The following ITGB5 variants were observed in gnomAD, a reference collection of about 807,000 sequenced individuals.
ITGB5 encodes the protein integrin subunit beta 5.
Under a neutral mutation model 84.8 loss-of-function variants are expected in ITGB5, and 38 were observed. The observed-to-expected ratio is 0.45, with a 90% CI of 0.35 to 0.59. The LOEUF (loss-of-function observed/expected upper bound fraction) is 0.59, where lower values mean the gene tolerates loss of function less well. Ranked by LOEUF, ITGB5 falls within the 20% of genes least tolerant of loss-of-function variation. The probability of loss-of-function intolerance (pLI) is 0.01; values close to 1 mark genes in which losing one functional copy is unlikely to be tolerated. For missense variants in ITGB5, 905 were observed against 1,034.5 expected (o/e 0.87, Z 1.72); for synonymous variants, 393 against 414.4 (o/e 0.95, Z 0.63).
intron 14 of ITGB5, 44 bp downstream of exon 14, chr3:124,764,347 C>T (rs763640835): frequency 1.3e-6 from 2 of 1,579,562 alleles, no homozygotes; most frequent in Non-Finnish European, 8.7e-7. Context: ...AACCACGCCT[C>T]TGAGCTTGAA....
chr3:124,830,489 T>C (rs2064844843), intron 5 of ITGB5, among the ~76,000 whole-genome samples: 1 of 152,214 alleles, frequency 6.6e-6, no homozygotes, highest in Admixed American at 6.5e-5. Flanking sequence ...TCCAAGGGGC[T>C]ACAACAGGAC....
chr3:124,893,834 A>G (rs1935046894), intron 1 of ITGB5, among the ~76,000 whole-genome samples: 1 of 152,152 alleles, frequency 6.6e-6, no homozygotes, highest in African/African-American at 2.4e-5. Flanking sequence ...CTCGACAGAA[A>G]TTTTCAACAT....
chr3:124,785,327 T>C (rs1373211189), intron 10 of ITGB5, among the ~76,000 whole-genome samples: 1 of 151,738 alleles, frequency 6.6e-6, no homozygotes, highest in Non-Finnish European at 1.5e-5. Context: ...CTCACGCCTA[T>C]AATCCCAGCA....
At chr3:124,771,397 A>AAAG (rs1395519657) in intron 11 of ITGB5, among the ~76,000 whole-genome samples, 3 of 152,208 alleles carry the variant, frequency 2.0e-5, no homozygotes, top group African/African-American at 7.2e-5. Flanking sequence ...AAAAGAAAAA[A>AAAG]AAGTTCCACC....
intron 1 of ITGB5, among the ~76,000 whole-genome samples, chr3:124,898,987 A>G (rs2107663053): frequency 6.6e-6 from 1 of 152,196 alleles, no homozygotes; most frequent in African/African-American, 2.4e-5. Flanking sequence ...AGGCAGGAGA[A>G]TCACTTGAAC....
intron 8 of ITGB5, among the ~76,000 whole-genome samples, chr3:124,816,542 G>A (rs556524247): frequency 2.1e-4 from 32 of 152,272 alleles, no homozygotes; most frequent in African/African-American, 7.5e-4. Flanking sequence ...ATTACCTGGC[G>A]CCTTGAGCAG....
intron 1 of ITGB5, among the ~76,000 whole-genome samples, chr3:124,879,725 G>A (rs555212400): frequency 3.9e-5 from 6 of 152,128 alleles, no homozygotes; most frequent in African/African-American, 9.7e-5. Flanking sequence ...CCAATACATC[G>A]CTAAGTTAAA....
Position 124,887,119 on chromosome 3 carries a change from C to T in ITGB5, c.-119G>A, listed in dbSNP as rs564502016. ...GGGCCGCAGCCGCATGCCCCGCGCG[C>T]AGCTCCGGCTCACGGCGCCCGCGCT... is the stretch of plus-strand genomic sequence containing the variant. On this transcript the variant is annotated 5_prime_UTR_variant, in exon 1 of 15. Coordinates refer to ENST00000296181, the MANE Select transcript of ITGB5 (RefSeq NM_002213.5). The T allele has an allele frequency of 1.2e-3, 258 of 210,218 alleles. 1 individual carries two copies. The highest frequency in any genetic ancestry group is 5.5e-3 in the African/African-American group (233 of 42,246). The allele number at this position is 210,218 out of a possible 1,614,324, so 13.0% of individuals were successfully genotyped here.
intron 1 of ITGB5, among the ~76,000 whole-genome samples, chr3:124,884,986 C>T (rs933572458): frequency 1.3e-5 from 2 of 151,192 alleles, no homozygotes; most frequent in African/African-American, 2.4e-5. Flanking sequence ...AGAAATTATT[C>T]GCAGCCAGGC....
In ITGB5 at chr3:124,762,068, A is replaced by C. The variant is rs2063705281; in HGVS notation, c.*1555T>G. 1 of 152,188 alleles carries C rather than the reference A, an allele frequency of 6.6e-6. No individual in the cohort carries two copies. Among genetic ancestry groups the C allele is most frequent in the Non-Finnish European group, 1.5e-5 (1 of 68,040 alleles). The allele number at this position is 152,188 out of a possible 1,614,324, so 9.4% of individuals were successfully genotyped here. A position where few individuals can be genotyped will look rare whatever the true frequency, so the allele number is the denominator to read the frequency against. On this transcript the variant is annotated 3_prime_UTR_variant, in exon 15 of 15. Transcript: ENST00000296181. ...CAAAAAGGGTTTAACAGTGTCACCA[A>C]GTTACCAGGTCTCTGTTTCATCATA... is the stretch of plus-strand genomic sequence containing the variant.
chr3:124,850,058 C>G lies in ITGB5; in HGVS notation c.362-1500G>C, dbSNP rs536602465. 9.2e-5 allele frequency among the ~76,000 whole-genome samples: 14 copies of G among 152,146 alleles called. No individual in the cohort carries two copies. In the South Asian group the frequency reaches 2.9e-3, roughly 32 times the overall value. On this transcript the variant is annotated intron_variant, in intron 3 of 14. Transcript: ENST00000296181. ...GCCCAGCGGGTCTACACCTGACTTG[C>G]CGGCAGCCACATCTCAGAGCAACCA...
At chr3:124,894,528 G>C (rs1935065019) in intron 1 of ITGB5, 1 of 152,064 alleles carries the variant, frequency 6.6e-6, no homozygotes, top group African/African-American at 2.4e-5. Flanking sequence ...ATTATCAGTA[G>C]AGCTTAGACA....
intron 13 of ITGB5, among the ~76,000 whole-genome samples, chr3:124,765,605 C>A (rs1012089945): frequency 3.9e-5 from 6 of 152,226 alleles, no homozygotes; most frequent in African/African-American, 1.4e-4. Context: ...CAAGATGAGA[C>A]CCTCCCCAGG....
chr3:124,856,442 A>T (rs1418427527), intron 3 of ITGB5, among the ~76,000 whole-genome samples: 1 of 152,210 alleles, frequency 6.6e-6, no homozygotes. Context: ...CTAGATGAGG[A>T]GTTCAGAAAA....
intron 2 of ITGB5, among the ~76,000 whole-genome samples, chr3:124,866,522 G>C (rs1260845515): frequency 1.3e-5 from 2 of 152,200 alleles, no homozygotes; most frequent in East Asian, 3.8e-4. Flanking sequence ...CAGAGTAGAA[G>C]AGTTGAGAAA....
intron 3 of ITGB5, among the ~76,000 whole-genome samples, chr3:124,854,793 T>C (rs139951707): frequency 5.7e-4 from 87 of 152,312 alleles, no homozygotes; most frequent in African/African-American, 1.9e-3. Context: ...AAATAAAAAA[T>C]GTCCTGCTTA....
At chr3:124,769,853 T>C (rs1191980562) in intron 11 of ITGB5, 3 of 152,252 alleles carry the variant, frequency 2.0e-5, no homozygotes, top group Admixed American at 6.5e-5. Flanking sequence ...ACCCTTGTTC[T>C]TTAACAGGGG....
At chr3:124,846,794 T>C (rs572050142) in intron 4 of ITGB5, among the ~76,000 whole-genome samples, 32 of 152,092 alleles carry the variant, frequency 2.1e-4, no homozygotes, top group African/African-American at 7.5e-4. Context: ...ATCAGCCAGG[T>C]GTGGTGGCAG....
rs184739108 is a variant in ITGB5 at position 124,777,668 on chromosome 3, T to C, written c.1694-3756A>G. ...CTGGGCTTGCCCTCAGAATCCTCAA[T>C]GCAGTCCTCCAAGTAGGTTCTACCA... On this transcript the variant is annotated intron_variant, in intron 10 of 14. Transcript: ENST00000296181. 1.5e-3 allele frequency among the ~76,000 whole-genome samples: 235 copies of C among 152,342 alleles called. 1 individual carries two copies. The highest frequency in any genetic ancestry group is 5.6e-3 in the African/African-American group (231 of 41,588).
Sources: gnomAD v4.1 joint callset for allele counts (sites outside exome capture counted in the v4.1 genomes callset) on GRCh38, gnomAD v4.1.1 for gene constraint, MANE v1.5 for transcripts, NCBI Gene and HGNC (gene_info 2026-07-23, HGNC 2026-07-21) for gene names.